SESN1: variants seen among roughly 807,000 people sequenced by gnomAD.
The protein encoded by SESN1 is sestrin-1.
In SESN1, 30 loss-of-function variants were observed where a neutral mutation model predicts 59.3. The observed-to-expected ratio is 0.51, with a 90% CI of 0.38 to 0.69. The LOEUF (loss-of-function observed/expected upper bound fraction) is 0.69. SESN1 is among the 30% of genes least tolerant of loss of function. The pLI, the probability that SESN1 is intolerant of heterozygous loss-of-function variation, is 0.00. For synonymous variants in SESN1, 197 were observed against 219.9 expected (o/e 0.90, Z 0.92); for missense variants, 566 against 673.0 (o/e 0.84, Z 1.76).
intron 1 of SESN1, among the ~76,000 whole-genome samples, chr6:109,022,979 C>A (rs975959411): frequency 1.3e-5 from 2 of 152,152 alleles, no homozygotes; most frequent in African/African-American, 4.8e-5. Context: ...CTAACTCCTA[C>A]CATCTTCTCC....
At chr6:109,039,138 G>A (rs1378151364) in intron 1 of SESN1, among the ~76,000 whole-genome samples, 1 of 145,938 alleles carries the variant, frequency 6.9e-6, no homozygotes, top group East Asian at 2.1e-4. Flanking sequence ...GAGAAAGAAA[G>A]AAGAGGAGAA....
At chr6:109,005,698 ACT>A (rs1779718023) in intron 1 of SESN1, among the ~76,000 whole-genome samples, 1 of 152,182 alleles carries the variant, frequency 6.6e-6, no homozygotes, top group Non-Finnish European at 1.5e-5. Context: ...TATTAATAAC[ACT>A]GTCTCCCCTC....
chr6:109,037,239 A>G (rs1296984076), intron 1 of SESN1, among the ~76,000 whole-genome samples: 1 of 152,242 alleles, frequency 6.6e-6, no homozygotes, highest in Non-Finnish European at 1.5e-5. Context: ...GTACTTTTCA[A>G]ATCAAAATCT....
intron 1 of SESN1, among the ~76,000 whole-genome samples, chr6:109,084,876 T>G (rs1441880997): frequency 6.6e-6 from 1 of 152,124 alleles, no homozygotes; most frequent in Non-Finnish European, 1.5e-5. Flanking sequence ...TTGTTTTTAA[T>G]CTATTTATTT....
At position 108,984,570 on chromosome 6, in the gene SESN1, C is replaced by A. The variant is rs1346522820; in HGVS notation, c.*2974G>T. Among the ~76,000 whole-genome samples the A allele has an allele frequency of 6.6e-6, 1 of 152,170 alleles. No homozygotes were observed. Among genetic ancestry groups the A allele is most frequent in the Non-Finnish European group, 1.5e-5 (1 of 68,026 alleles). On this transcript the variant is annotated 3_prime_UTR_variant, in exon 10 of 10. Coordinates refer to ENST00000436639, the MANE Select transcript of SESN1 (RefSeq NM_014454.3). ...ACATTGAGGATTACATTTCAGCATA[C>A]AACATACATCAACATACAAATGTAG... is the stretch of plus-strand genomic sequence containing the variant.
intron 1 of SESN1, among the ~76,000 whole-genome samples, chr6:109,009,766 G>T (rs1779823971): frequency 6.6e-6 from 1 of 152,088 alleles, no homozygotes; most frequent in Non-Finnish European, 1.5e-5. Context: ...TAATTCTCAG[G>T]TACGGAATGG....
intron 1 of SESN1, among the ~76,000 whole-genome samples, chr6:109,091,404 G>A (rs959635873): frequency 6.6e-6 from 1 of 152,072 alleles, no homozygotes; most frequent in African/African-American, 2.4e-5. Context: ...ATCATTAAGT[G>A]ACACATGACA....
At chr6:109,014,848 G>A (rs10457187) in intron 1 of SESN1, among the ~76,000 whole-genome samples, 15,240 of 152,126 alleles carry the variant, frequency 0.1, 929 homozygotes, top group Middle Eastern at 0.19. Context: ...AAAGTGGTAC[G>A]TTTTAGGAAG....
rs80085760 is a variant in SESN1 at position 109,074,744 on chromosome 6, C to A, written c.279+19051G>T. Among the ~76,000 whole-genome samples the A allele has an allele frequency of 7.2e-5, 11 of 152,294 alleles. No individual in the cohort carries two copies. The East Asian group carries it at 7.7e-4, about 11-fold the overall frequency. The stretch of plus-strand genomic sequence containing the variant: ...AAAGTTTTGGGATTTGCTTTTAATT[C>A]TCTTTCCCCTCAAATCATAGACACA... On this transcript the variant is annotated intron_variant, in intron 1 of 9. Coordinates refer to ENST00000436639, the MANE Select transcript of SESN1 (RefSeq NM_014454.3).
At chr6:108,998,382 A>G in intron 5 of SESN1, 131 bp downstream of exon 5, 1 of 1,001,270 alleles carries the variant, frequency 1.0e-6, no homozygotes, top group South Asian at 1.6e-5. Flanking sequence ...CTACTGAATG[A>G]ATAGATATAG....
rs577955352 is a variant in SESN1 at position 109,084,411 on chromosome 6, G to A, written c.279+9384C>T. Among the ~76,000 whole-genome samples, 160 of 152,140 alleles carry A rather than the reference G, an allele frequency of 1.1e-3. 2 individuals are homozygous for A. The highest frequency in any genetic ancestry group is 3.6e-3 in the African/African-American group (149 of 41,526). ...CCCCATCTCTACTAAAAATATAGCC[G>A]GGCATCGTGGCGGGAGCCTGTATTC... On this transcript the variant is annotated intron_variant, in intron 1 of 9. Coordinates refer to ENST00000436639, the MANE Select transcript of SESN1 (RefSeq NM_014454.3).
chr6:109,078,086 T>G (rs1387572446), intron 1 of SESN1, among the ~76,000 whole-genome samples: 1 of 152,176 alleles, frequency 6.6e-6, no homozygotes, highest in Non-Finnish European at 1.5e-5. Flanking sequence ...TTTTACATAC[T>G]ATTTTAAAGC....
intron 1 of SESN1, among the ~76,000 whole-genome samples, chr6:109,055,814 G>A (rs979847205): frequency 6.6e-6 from 1 of 151,926 alleles, no homozygotes; most frequent in African/African-American, 2.4e-5. Context: ...TCCAAAAATT[G>A]TGTAAGATCT....
intron 1 of SESN1, among the ~76,000 whole-genome samples, chr6:109,017,119 T>C (rs1175728230): frequency 6.6e-6 from 1 of 152,184 alleles, no homozygotes. Context: ...TATAATTCAA[T>C]AGACAAACAT....
intron 5 of SESN1, 33 bp from the exon 6 acceptor site, chr6:108,994,642 G>A: frequency 6.4e-7 from 1 of 1,566,792 alleles, no homozygotes; most frequent in Non-Finnish European, 8.7e-7. Flanking sequence ...GTTACATGTG[G>A]CAGACATAGA....
chr6:109,064,553 A>AAGAAG (rs1259671210), intron 1 of SESN1, among the ~76,000 whole-genome samples: 1 of 129,970 alleles, frequency 7.7e-6, no homozygotes, highest in African/African-American at 2.9e-5. Context: ...TATCAAATGA[A>AAGAAG]AGAAGAGAAG....
chr6:108,992,856 A>G lies in SESN1; in HGVS notation c.1164T>C (p.Phe388=), dbSNP rs758503617. The change falls in exon 7 of 10, where the codon TTT becomes TTC. Residue 388 remains phenylalanine (F), a synonymous_variant. Coordinates refer to ENST00000436639, the MANE Select transcript of SESN1 (RefSeq NM_014454.3). The stretch of plus-strand genomic sequence containing the variant: ...CTTTATAGCCATAACTAGTATCCTC[A>G]AAATGACGAGATACAGCTCTTGCTG... ...VTPARAVSRH[F]EDTSYGYKDF... 1.2e-6 allele frequency: 2 copies of G among 1,613,684 alleles called. No homozygotes were observed. Among genetic ancestry groups the G allele is most frequent in the Admixed American group, 3.3e-5 (2 of 59,998 alleles).
intron 1 of SESN1, among the ~76,000 whole-genome samples, chr6:109,063,424 C>T (rs1353775101): frequency 1.3e-5 from 2 of 152,080 alleles, no homozygotes; most frequent in African/African-American, 4.8e-5. Context: ...CAGTAGGCAA[C>T]TCAATTACAG....
chr6:108,989,840 ACTG>A (rs1363041854), intron 8 of SESN1, among the ~76,000 whole-genome samples: 1 of 152,110 alleles, frequency 6.6e-6, no homozygotes, highest in African/African-American at 2.4e-5. Flanking sequence ...TCACATAGGC[ACTG>A]AAGTCTCCTA....
Sources: gnomAD v4.1 joint callset for allele counts (sites outside exome capture counted in the v4.1 genomes callset) on GRCh38, gnomAD v4.1.1 for gene constraint, MANE v1.5 for transcripts, NCBI Gene and HGNC (gene_info 2026-07-23, HGNC 2026-07-21) for gene names.